TLL1: variants seen among roughly 807,000 people sequenced by gnomAD.
TLL1 encodes tolloid-like protein 1.
In TLL1, 49 loss-of-function variants were observed where a neutral mutation model predicts 128.2. The ratio of observed to expected loss-of-function variants is 0.38; its 90% CI spans 0.30 to 0.48. The LOEUF (loss-of-function observed/expected upper bound fraction) is 0.48, where lower values mean the gene tolerates loss of function less well. Among genes scored for constraint, TLL1 ranks in the 20% least tolerant of loss-of-function variants. The pLI is 0.96. For missense variants in TLL1, 1,123 were observed against 1,242.0 expected, an observed-to-expected ratio of 0.90 and a Z score of 1.44; for synonymous variants, 454 against 418.8, an observed-to-expected ratio of 1.08 and a Z score of -1.03.
chr4:166,081,137 A>G (rs1462724131), intron 18 of TLL1, among the ~76,000 whole-genome samples: 2 of 152,124 alleles, frequency 1.3e-5, no homozygotes, highest in Non-Finnish European at 2.9e-5. Context: ...TCAGTCTCCT[A>G]GTGGTAGAAG....
At chr4:166,032,632 G>A (rs1448041123) in intron 9 of TLL1, among the ~76,000 whole-genome samples, 1 of 152,100 alleles carries the variant, frequency 6.6e-6, no homozygotes, top group African/African-American at 2.4e-5. Context: ...TAAAGGATAT[G>A]TGAAAAAATT....
intron 1 of TLL1, among the ~76,000 whole-genome samples, chr4:165,977,848 C>G (rs1232888306): frequency 6.6e-6 from 1 of 152,144 alleles, no homozygotes; most frequent in Non-Finnish European, 1.5e-5. Context: ...TACAAATGTC[C>G]TTCTCACTAG....
rs1579624458 is a variant in TLL1, at chr4:166,014,329, G to C, written c.918-107G>C. On this transcript the variant is annotated intron_variant, in intron 7 of 20. Coordinates refer to ENST00000061240, the MANE Select transcript of TLL1 (RefSeq NM_012464.5). ...CACTGCTTAAAGCACACAAGGTGTA[G>C]TTCCCCTTTGATTGACTTGAGTTTG... The C allele has an allele frequency of 5.9e-6, 9 of 1,524,426 alleles. No individual in the cohort carries two copies. The East Asian group carries it at 2.0e-4, about 35-fold the overall frequency. The allele number at this position is 1,524,426 out of a possible 1,614,324, so 94.4% of individuals were successfully genotyped here.
At chr4:165,959,628 A>T (rs1734995527) in intron 1 of TLL1, among the ~76,000 whole-genome samples, 1 of 152,132 alleles carries the variant, frequency 6.6e-6, no homozygotes, top group Non-Finnish European at 1.5e-5. Context: ...AAAAGTTGAA[A>T]TAATATCTAG....
intron 9 of TLL1, among the ~76,000 whole-genome samples, chr4:166,034,309 G>A (rs1738900873): frequency 6.6e-6 from 1 of 152,162 alleles, no homozygotes; most frequent in African/African-American, 2.4e-5. Context: ...GAACAAGGAA[G>A]GGGAAAGTAG....
intron 9 of TLL1, chr4:166,030,818 A>G (rs1738733647): frequency 1.9e-6 from 2 of 1,031,014 alleles, no homozygotes; most frequent in Admixed American, 5.7e-5. Flanking sequence ...AGCTTACATT[A>G]TAGATTATTT....
In TLL1 at chr4:166,025,351, C is replaced by A. The variant is rs1447906587; in HGVS notation, c.1078C>A (p.Leu360Ile). 1.9e-6 allele frequency: 3 copies of A among 1,613,914 alleles called. No individual in the cohort carries two copies. The highest frequency in any genetic ancestry group is 4.5e-5 in the East Asian group (2 of 44,832). Reference protein sequence around the residue: ...GETLQESNGNLSSPGFPNGYP... With the variant: ...GETLQESNGNISSPGFPNGYP... Reference sequence around the variant, plus strand: ...AACTCTACAAGAATCCAATGGCAACCTTTCCTCTCCAGGATTTCCCAATGG... The same window carrying A: ...AACTCTACAAGAATCCAATGGCAACATTTCCTCTCCAGGATTTCCCAATGG... Residue 360 changes from leucine to isoleucine, a missense_variant, in exon 9 of 21, where the codon CTT becomes ATT. By Grantham distance (5) the Leu-to-Ile change is conservative (BLOSUM62 2). Around this residue, in one of 3 missense-constraint regions of TLL1, gnomAD observed 480 missense variants for 542.4 expected, o/e 0.89. Coordinates refer to ENST00000061240, the MANE Select transcript of TLL1 (RefSeq NM_012464.5).
intron 11 of TLL1, 100 bp from the exon 12 acceptor site, chr4:166,043,174 T>A (rs543620090): frequency 6.6e-7 from 1 of 1,512,350 alleles, no homozygotes; most frequent in Admixed American, 1.7e-5. Context: ...CTTTATGTAC[T>A]GAGCTACAGG....
intron 2 of TLL1, among the ~76,000 whole-genome samples, chr4:165,990,683 G>A (rs569845872): frequency 1.9e-3 from 285 of 151,712 alleles, no homozygotes; most frequent in Non-Finnish European, 3.1e-3. Flanking sequence ...TTATTAGGTA[G>A]TCTAGCATGT....
intron 1 of TLL1, chr4:165,919,964 G>T: frequency 2.6e-6 from 1 of 382,246 alleles, no homozygotes; most frequent in Non-Finnish European, 5.2e-6. Context: ...AATTTGGGGG[G>T]CTAAATCCCT....
At chr4:165,947,955 T>C (rs1734335894) in intron 1 of TLL1, among the ~76,000 whole-genome samples, 1 of 152,118 alleles carries the variant, frequency 6.6e-6, no homozygotes. Context: ...ATTCTACTGG[T>C]AAATAAAACT....
chr4:165,991,132 T>C (rs1268771634), intron 2 of TLL1, among the ~76,000 whole-genome samples: 8 of 152,042 alleles, frequency 5.3e-5, no homozygotes, highest in Non-Finnish European at 1.2e-4. Flanking sequence ...CCCATTATTT[T>C]GAAGGCATTG....
intron 18 of TLL1, among the ~76,000 whole-genome samples, chr4:166,079,227 T>C (rs1463430114): frequency 2.6e-5 from 4 of 152,198 alleles, no homozygotes; most frequent in Non-Finnish European, 4.4e-5. Context: ...GGCTGAAATA[T>C]AGAGGCTGCA....
intron 1 of TLL1, among the ~76,000 whole-genome samples, chr4:165,977,073 G>A (rs1197036756): frequency 1.3e-5 from 2 of 152,156 alleles, no homozygotes; most frequent in Admixed American, 6.5e-5. Context: ...AAAAAAATAG[G>A]TTAATGTGGA....
intron 1 of TLL1, among the ~76,000 whole-genome samples, chr4:165,920,860 T>C (rs983835038): frequency 6.6e-6 from 1 of 152,186 alleles, no homozygotes; most frequent in Admixed American, 6.5e-5. Flanking sequence ...AGGTCTACAA[T>C]AAGTAAAGGT....
intron 1 of TLL1, among the ~76,000 whole-genome samples, chr4:165,891,208 G>T (rs1731387487): frequency 6.6e-6 from 1 of 152,130 alleles, no homozygotes; most frequent in African/African-American, 2.4e-5. Context: ...GCTTGTGATG[G>T]GAGGGGCTGC....
chr4:166,081,196 G>C (rs1252667144), intron 18 of TLL1, among the ~76,000 whole-genome samples: 1 of 152,060 alleles, frequency 6.6e-6, no homozygotes, highest in Non-Finnish European at 1.5e-5. Flanking sequence ...CTTCCCCTAG[G>C]GGTAGTAGGT....
intron 1 of TLL1, among the ~76,000 whole-genome samples, chr4:165,912,380 C>T (rs1579477362): frequency 1.3e-5 from 2 of 152,186 alleles, no homozygotes; most frequent in South Asian, 2.1e-4. Flanking sequence ...TTTGTTGCTT[C>T]CTACTTTTCA....
intron 1 of TLL1, 152 bp downstream of exon 1, chr4:165,874,225 C>T (rs996794917): frequency 9.3e-6 from 9 of 966,276 alleles, no homozygotes; most frequent in African/African-American, 1.6e-5. Context: ...CCTTCCCTTC[C>T]CCACCCGCAA....
Sources: allele counts gnomAD v4.1 joint callset (sites outside exome capture counted in the v4.1 genomes callset), GRCh38; gene constraint gnomAD v4.1.1; regional missense constraint gnomAD v4.1.1; transcripts MANE v1.5; gene names NCBI Gene and HGNC (gene_info 2026-07-23, HGNC 2026-07-21).